The following NHEJ1 variants were observed in gnomAD, a reference collection of about 807,000 sequenced individuals.
NHEJ1 encodes non-homologous end joining factor 1.
NHEJ1 carries 22 observed loss-of-function variants against 39.4 expected under a neutral mutation model. The ratio of observed to expected loss-of-function variants is 0.56; its 90% confidence interval spans 0.40 to 0.80. NHEJ1 has a LOEUF of 0.80. NHEJ1 is among the 30% of genes least tolerant of loss of function. The pLI, the probability that NHEJ1 is intolerant of heterozygous loss-of-function variation, is 0.00. For missense variants in NHEJ1, 329 were observed against 357.1 expected (o/e 0.92, Z 0.63); for synonymous variants, 154 against 135.6 (o/e 1.14, Z -0.94).
chr2:219,147,467 G>C (rs1448442764), intron 4 of NHEJ1, among the ~76,000 whole-genome samples, 190 bp downstream of exon 4: 1 of 152,224 alleles, frequency 6.6e-6, no homozygotes, highest in African/African-American at 2.4e-5. Context: ...AGCTGACAGA[G>C]CGAGACTCCG....
At chr2:219,082,649 G>A (rs1949077295) in intron 5 of NHEJ1, among the ~76,000 whole-genome samples, 1 of 152,208 alleles carries the variant, frequency 6.6e-6, no homozygotes, top group Non-Finnish European at 1.5e-5. Context: ...GGGAAAATGA[G>A]CTAACTGGAG....
chr2:219,099,976 A>G (rs1222375969), intron 5 of NHEJ1, among the ~76,000 whole-genome samples: 1 of 152,192 alleles, frequency 6.6e-6, no homozygotes, highest in East Asian at 1.9e-4. Flanking sequence ...TGAAACTGGT[A>G]GGTGGCATCC....
chr2:219,147,666 G>T lies in NHEJ1; in HGVS notation c.520C>A (p.Leu174Met). Reference sequence around the variant, plus strand: ...AAGAATGTCCTCTTACCTCGAATCAGCGTAGCCCCACTCTCCTGGTAGTCT... The same window carrying T: ...AAGAATGTCCTCTTACCTCGAATCATCGTAGCCCCACTCTCCTGGTAGTCT... ...IQDYQESGAT[L>M]IRDRLKTEPF... Residue 174 changes from leucine to methionine, a missense_variant, in exon 4 of 8, where the codon CTG becomes ATG. Coordinates refer to ENST00000356853, the MANE Select transcript of NHEJ1 (RefSeq NM_024782.3). 6.2e-7 allele frequency: 1 copy of T among 1,614,158 alleles called. No individual in the cohort carries two copies. Among genetic ancestry groups the T allele is most frequent in the Non-Finnish European group, 8.5e-7 (1 of 1,180,030 alleles).
chr2:219,137,570 C>CAAAAAA (rs58279021), intron 5 of NHEJ1, among the ~76,000 whole-genome samples: 31 of 34,728 alleles, frequency 8.9e-4, no homozygotes, highest in South Asian at 1.8e-3. Flanking sequence ...GTGTTACAGG[C>CAAAAAA]AAAAAAAAAA....
intron 3 of NHEJ1, among the ~76,000 whole-genome samples, chr2:219,154,651 T>C (rs1949832369): frequency 6.6e-6 from 1 of 152,038 alleles, no homozygotes; most frequent in Admixed American, 6.6e-5. Flanking sequence ...GGCGTTTCCC[T>C]AGGAGGGCAT....
At chr2:219,085,014 A>C (rs1949099227) in intron 5 of NHEJ1, among the ~76,000 whole-genome samples, 1 of 152,198 alleles carries the variant, frequency 6.6e-6, no homozygotes, top group Non-Finnish European at 1.5e-5. Flanking sequence ...CTGCTTCCTA[A>C]TGTGGCTTGT....
At chr2:219,135,552 T>C (rs1949619643) in intron 5 of NHEJ1, among the ~76,000 whole-genome samples, 2 of 152,166 alleles carry the variant, frequency 1.3e-5, no homozygotes, top group African/African-American at 2.4e-5. Context: ...GAGGTTGCAG[T>C]GAGCCGAGAT....
intron 5 of NHEJ1, among the ~76,000 whole-genome samples, chr2:219,119,172 C>A (rs1480599301): frequency 6.6e-6 from 1 of 151,744 alleles, no homozygotes; most frequent in African/African-American, 2.4e-5. Flanking sequence ...GAGTTGGGGG[C>A]AAGTGAAAAA....
intron 5 of NHEJ1, among the ~76,000 whole-genome samples, chr2:219,118,459 G>A (rs990926880): frequency 6.6e-6 from 1 of 152,214 alleles, no homozygotes; most frequent in East Asian, 1.9e-4. Flanking sequence ...TTCACTTGGG[G>A]GTAGGCAGTG....
intron 3 of NHEJ1, among the ~76,000 whole-genome samples, chr2:219,152,620 A>G (rs1949806510): frequency 6.6e-6 from 1 of 150,734 alleles, no homozygotes; most frequent in South Asian, 2.1e-4. Context: ...CACCACACCC[A>G]CCTATTTTTT....
chr2:219,103,422 C>T (rs1041414609), intron 5 of NHEJ1, among the ~76,000 whole-genome samples: 7 of 151,898 alleles, frequency 4.6e-5, no homozygotes, highest in African/African-American at 1.5e-4. Flanking sequence ...ACTACAGGCA[C>T]ACACCAGAAT....
intron 5 of NHEJ1, among the ~76,000 whole-genome samples, chr2:219,096,742 G>A (rs1022053440): frequency 6.6e-6 from 1 of 152,140 alleles, no homozygotes; most frequent in Non-Finnish European, 1.5e-5. Flanking sequence ...TGTGCCCAGG[G>A]TGTTAAACAA....
At chr2:219,097,795 G>A (rs987444003) in intron 5 of NHEJ1, among the ~76,000 whole-genome samples, 6 of 152,188 alleles carry the variant, frequency 3.9e-5, no homozygotes, top group Admixed American at 2.0e-4. Context: ...TGGGGTTTGG[G>A]AGAAAGAACT....
chr2:219,151,612 G>A (rs1949795836), intron 3 of NHEJ1, among the ~76,000 whole-genome samples: 1 of 152,142 alleles, frequency 6.6e-6, no homozygotes, highest in Non-Finnish European at 1.5e-5. Flanking sequence ...ACACCAAAAT[G>A]ATTTCTCTTA....
At position 219,078,151 on chromosome 2, in the gene NHEJ1, T is replaced by G; in HGVS notation, c.644A>C (p.Gln215Pro). ...GDGKPFVMNL[Q>P]DLYMAVTTQE... ...TGTGGTGACTGCCATATACAGATCC[T>G]GCAGATTCATGACAAAGGGCTTTCC... The change falls in exon 6 of 8, where the codon CAG (glutamine) becomes CCG (proline). Residue 215 changes from glutamine (Q) to proline (P), a missense_variant. Coordinates refer to ENST00000356853, the MANE Select transcript of NHEJ1 (RefSeq NM_024782.3). The G allele has an allele frequency of 6.2e-7, 1 of 1,614,220 alleles. No homozygotes were observed. Among genetic ancestry groups the G allele is most frequent in the Non-Finnish European group, 8.5e-7 (1 of 1,180,032 alleles).
At chr2:219,146,639 A>C in intron 5 of NHEJ1, 41 bp downstream of exon 5, 1 of 1,504,054 alleles carries the variant, frequency 6.6e-7, no homozygotes, top group East Asian at 2.3e-5. Context: ...TGGAAAGAGG[A>C]AGTAGGGCAA....
chr2:219,089,707 A>G (rs1949144324), intron 5 of NHEJ1, among the ~76,000 whole-genome samples: 1 of 152,238 alleles, frequency 6.6e-6, no homozygotes, highest in African/African-American at 2.4e-5. Context: ...TGAATTGTAT[A>G]TACTTTTGGT....
intron 5 of NHEJ1, among the ~76,000 whole-genome samples, chr2:219,083,004 C>T (rs1215919569): frequency 6.6e-5 from 10 of 152,096 alleles, no homozygotes; most frequent in African/African-American, 2.2e-4. Context: ...GAACAAGAAA[C>T]GTAATTTAGG....
At chr2:219,147,832 T>C in intron 3 of NHEJ1, 37 bp from the exon 4 acceptor site, 1 of 1,610,192 alleles carries the variant, frequency 6.2e-7, no homozygotes. Context: ...CAAAAGACTC[T>C]TATAAAGTAC....
Sources: gnomAD v4.1 joint callset for allele counts (sites outside exome capture counted in the v4.1 genomes callset) on GRCh38, gnomAD v4.1.1 for gene constraint, MANE v1.5 for transcripts, NCBI Gene and HGNC (gene_info 2026-07-23, HGNC 2026-07-21) for gene names.